Variants in CD84 observed in about 807,000 individuals in gnomAD.
CD84 encodes the protein CD84 molecule.
In CD84, 22 loss-of-function variants were observed where a neutral mutation model predicts 33.8. The observed-to-expected ratio is 0.65, with a 90% CI of 0.46 to 0.93. The LOEUF is 0.93. Ranked by LOEUF, CD84 falls within the 40% of genes least tolerant of loss-of-function variation. The probability of loss-of-function intolerance (pLI) is 0.00; values close to 1 mark genes in which losing one functional copy is unlikely to be tolerated. For missense variants in CD84, 400 were observed against 397.6 expected (o/e 1.01, Z -0.05); for synonymous variants, 154 against 145.2 (o/e 1.06, Z -0.44).
At chr1:160,559,316 G>A (rs1042000247) in intron 2 of CD84, among the ~76,000 whole-genome samples, 3 of 152,124 alleles carry the variant, frequency 2.0e-5, no homozygotes, top group Non-Finnish European at 1.5e-5. Flanking sequence ...AAGAGATTGG[G>A]GGCCAATAGT....
At chr1:160,572,595 A>G (rs1019061510) in intron 1 of CD84, among the ~76,000 whole-genome samples, 8 of 152,112 alleles carry the variant, frequency 5.3e-5, no homozygotes, top group African/African-American at 1.9e-4. Context: ...GAATGTTACT[A>G]TAAGGAACAC....
Position 160,553,274 on chromosome 1 carries a change from T to G in CD84, c.760+104A>C, listed in dbSNP as rs74124861. 9.5e-3 allele frequency: 15,188 copies of G among 1,593,180 alleles called. 1,178 individuals are homozygous for G. In the African/African-American group the frequency reaches 0.17, roughly 18 times the overall value. On this transcript the variant is annotated intron_variant, in intron 4 of 6. Coordinates refer to ENST00000368054, the MANE Select transcript of CD84 (RefSeq NM_003874.4). The stretch of plus-strand genomic sequence containing the variant: ...GGGGTGGAGATCGGAAAAAGGCAGA[T>G]TCCCTGGAACAATGGGCCTTTCAGC...
At chr1:160,553,675 A>T in intron 3 of CD84, 178 bp from the exon 4 acceptor site, 1 of 958,594 alleles carries the variant, frequency 1.0e-6, no homozygotes, top group South Asian at 1.7e-5. Context: ...TGAATCAGAG[A>T]GTTGATCAGG....
At chr1:160,576,932 G>T (rs937983058) in intron 1 of CD84, among the ~76,000 whole-genome samples, 22 of 152,154 alleles carry the variant, frequency 1.4e-4, no homozygotes, top group Non-Finnish European at 4.4e-5. Flanking sequence ...ATGGGGCAGA[G>T]AAAAGGAAGA....
rs1440458761 is a variant in CD84, at chr1:160,545,513, C to T, written c.*2743G>A. The T allele has an allele frequency of 6.6e-6, 1 of 152,282 alleles. No homozygotes were observed. Among genetic ancestry groups the T allele is most frequent in the Non-Finnish European group, 1.5e-5 (1 of 68,086 alleles). The allele number at this position is 152,282 out of a possible 1,614,324, so 9.4% of individuals were successfully genotyped here. ...GGTGCTGTCTTTCACCTCCTTACAA[C>T]TGGTTAGGTGCTTCAGCTGACCTCT... On this transcript the variant is annotated 3_prime_UTR_variant, in exon 7 of 7. Coordinates refer to ENST00000368054, the MANE Select transcript of CD84 (RefSeq NM_003874.4).
chr1:160,550,621 T>G, intron 5 of CD84: 1 of 985,308 alleles, frequency 1.0e-6, no homozygotes, highest in Non-Finnish European at 1.2e-6. Flanking sequence ...CTCACTCCAG[T>G]AGCTCCTCTG....
intron 1 of CD84, among the ~76,000 whole-genome samples, chr1:160,570,628 A>G (rs1374835171): frequency 6.6e-6 from 1 of 152,226 alleles, no homozygotes; most frequent in African/African-American, 2.4e-5. Flanking sequence ...TGGGAGGCCA[A>G]GGCAGGTGGA....
rs536683612 is a variant in CD84 at position 160,565,387 on chromosome 1, G to T, written c.388+17C>A. 6.5e-7 allele frequency: 1 copy of T among 1,548,714 alleles called. No homozygotes were observed. Among genetic ancestry groups the T allele is most frequent in the South Asian group, 1.2e-5 (1 of 82,262 alleles). ...AGTAAAAATAAAACACAAGCTCTCC[G>T]TCTTCCCATGACTTACGATAGATTT... is the stretch of plus-strand genomic sequence containing the variant. On this transcript the variant is annotated intron_variant, in intron 2 of 6. Coordinates refer to ENST00000368054, the MANE Select transcript of CD84 (RefSeq NM_003874.4).
At chr1:160,551,538 G>T in intron 4 of CD84, 1 of 162,836 alleles carries the variant, frequency 6.1e-6, no homozygotes, top group Non-Finnish European at 1.3e-5. Flanking sequence ...TTGATTCACA[G>T]TCTGTTTTTG....
At chr1:160,559,774 G>C (rs67197441) in intron 2 of CD84, among the ~76,000 whole-genome samples, 34,966 of 151,950 alleles carry the variant, frequency 0.23, 4,582 homozygotes, top group Middle Eastern at 0.34. Context: ...CAAAATAAAG[G>C]GATAGGGAAA....
intron 2 of CD84, among the ~76,000 whole-genome samples, chr1:160,560,263 C>T (rs79482431): frequency 0.05 from 7,584 of 152,000 alleles, 643 homozygotes; most frequent in African/African-American, 0.17. Flanking sequence ...CCTCAGCAAA[C>T]GCGAAAGACC....
At chr1:160,565,278 A>G (rs994459118) in intron 2 of CD84, 126 bp downstream of exon 2, 1 of 658,436 alleles carries the variant, frequency 1.5e-6, no homozygotes, top group South Asian at 2.1e-5. Context: ...TGATGTATCA[A>G]TATGTAAGTA....
intron 1 of CD84, among the ~76,000 whole-genome samples, chr1:160,569,839 A>C (rs372280502): frequency 1.8e-3 from 274 of 152,328 alleles, no homozygotes; most frequent in African/African-American, 6.3e-3. Flanking sequence ...ATAGATTTGC[A>C]TATCAGAGTG....
Position 160,565,476 on chromosome 1 carries a change from C to A in CD84, c.316G>T (p.Asp106Tyr). The A allele has an allele frequency of 6.2e-7, 1 of 1,613,860 alleles. No individual in the cohort carries two copies. The highest frequency in any genetic ancestry group is 8.5e-7 in the Non-Finnish European group (1 of 1,179,844). Residue 106 changes from aspartate (D) to tyrosine (Y), a missense_variant, in exon 2 of 7, where the codon GAC becomes TAC. Transcript: ENST00000368054. ...TGTGTATTTATGTCTGCTTTGTAGT[C>A]TCCTGCGTCTTCCATCCTCAGATCG... The part of the protein sequence containing the change: ...ISDLRMEDAG[D>Y]YKADINTQAD...
At chr1:160,562,796 G>A (rs1030668337) in intron 2 of CD84, among the ~76,000 whole-genome samples, 7 of 152,044 alleles carry the variant, frequency 4.6e-5, no homozygotes, top group Admixed American at 3.9e-4. Flanking sequence ...CCTACAGAAT[G>A]GGAGAAAATT....
At chr1:160,550,252 G>A (rs1194978390) in intron 5 of CD84, among the ~76,000 whole-genome samples, 7 of 152,062 alleles carry the variant, frequency 4.6e-5, no homozygotes, top group Non-Finnish European at 8.8e-5. Context: ...GATGAGTCCT[G>A]CTCAGTCAGG....
rs1655929562 is a variant in CD84 at position 160,547,934 on chromosome 1, A to G, written c.*322T>C. 1 of 348,024 alleles carries G rather than the reference A, an allele frequency of 2.9e-6. No individual in the cohort carries two copies. The highest frequency in any genetic ancestry group is 5.5e-6 in the Non-Finnish European group (1 of 181,258). 21.6% of individuals were successfully genotyped at this position (348,024 alleles called of 1,614,324 possible). A position where few individuals can be genotyped will look rare whatever the true frequency, so the allele number is the denominator to read the frequency against. On this transcript the variant is annotated 3_prime_UTR_variant, in exon 7 of 7. Transcript: ENST00000368054. ...TCATATGCAGCTTCCAGAAGTGAGC[A>G]ATCTTGCTTGTTTATCCCAGTGTGC...
In CD84 at chr1:160,543,253, T is replaced by C. The variant is rs1216298739; in HGVS notation, c.*5003A>G. The C allele has an allele frequency of 6.6e-6, 1 of 152,178 alleles. No homozygotes were observed. Among genetic ancestry groups the C allele is most frequent in the Non-Finnish European group, 1.5e-5 (1 of 68,028 alleles). The allele number at this position is 152,178 out of a possible 1,614,324, so 9.4% of individuals were successfully genotyped here. A position where few individuals can be genotyped will look rare whatever the true frequency, so the allele number is the denominator to read the frequency against. On this transcript the variant is annotated 3_prime_UTR_variant, in exon 7 of 7. Transcript: ENST00000368054. ...ATATTCATTTAGTAGATATTTGTGG[T>C]CCACCTATTATGTGTCAAGCAAAGT...
At chr1:160,548,365 T>A in intron 6 of CD84, 44 bp from the exon 7 acceptor site, 2 of 1,607,328 alleles carry the variant, frequency 1.2e-6, no homozygotes, top group Non-Finnish European at 1.7e-6. Flanking sequence ...TGAGAGGTGC[T>A]GCTGGGGAAC....
Sources: allele counts gnomAD v4.1 joint callset (sites outside exome capture counted in the v4.1 genomes callset), GRCh38; gene constraint gnomAD v4.1.1; transcripts MANE v1.5; gene names NCBI Gene and HGNC (gene_info 2026-07-23, HGNC 2026-07-21).